ADAMTSL2: variants seen among roughly 807,000 people sequenced by gnomAD.
ADAMTSL2 encodes the protein ADAMTS like 2.
In ADAMTSL2, 55 loss-of-function variants were observed where a neutral mutation model predicts 117.0. The observed-to-expected ratio is 0.47, with a 90% CI of 0.38 to 0.59. ADAMTSL2 has a LOEUF of 0.59. ADAMTSL2 is among the 20% of genes least tolerant of loss of function. The pLI is 0.00. For synonymous variants in ADAMTSL2, 572 were observed against 566.4 expected (o/e 1.01, Z -0.14); for missense variants, 1,182 against 1,354.5 (o/e 0.87, Z 2.00).
intron 11 of ADAMTSL2, among the ~76,000 whole-genome samples, chr9:133,560,813 G>T (rs1254450933): frequency 6.6e-6 from 1 of 152,196 alleles, no homozygotes; most frequent in Non-Finnish European, 1.5e-5. Flanking sequence ...CCCCTCCCCG[G>T]TGGGAAGAAG....
chr9:133,534,717 C>G lies in ADAMTSL2; in HGVS notation c.-351C>G. Reference sequence around the variant, plus strand: ...CGCAGAGCCGCCACTGGGCTGCGCCCCTCCCGGGAACCCCCTCTCTTGGAT... The same window carrying G: ...CGCAGAGCCGCCACTGGGCTGCGCCGCTCCCGGGAACCCCCTCTCTTGGAT... On this transcript the variant is annotated 5_prime_UTR_variant, in exon 1 of 19. Coordinates refer to ENST00000651351, the MANE Select transcript of ADAMTSL2 (RefSeq NM_014694.4). The G allele has an allele frequency of 7.3e-7, 1 of 1,377,950 alleles. No homozygotes were observed. The highest frequency in any genetic ancestry group is 1.7e-5 in the South Asian group (1 of 59,884). The allele number at this position is 1,377,950 out of a possible 1,614,324, so 85.4% of individuals were successfully genotyped here. A position where few individuals can be genotyped will look rare whatever the true frequency, so the allele number is the denominator to read the frequency against.
chr9:133,543,352 A>C (rs1830270219), intron 7 of ADAMTSL2, among the ~76,000 whole-genome samples: 1 of 152,236 alleles, frequency 6.6e-6, no homozygotes, highest in Non-Finnish European at 1.5e-5. Context: ...TCAAGCTTCT[A>C]TCTTGAAACC....
At position 133,570,426 on chromosome 9, in the gene ADAMTSL2, C is replaced by T. The variant is rs1489884338; in HGVS notation, c.2511C>T (p.Cys837=). 1.7e-4 allele frequency: 266 copies of T among 1,603,510 alleles called. No individual in the cohort carries two copies. The highest frequency in any genetic ancestry group is 2.1e-4 in the Non-Finnish European group (242 of 1,175,866). ...CGCAGACGCGCAGTGGCCCCGAGTG[C>T]GGGCTCGCCAAGAAGCCTCCCGAGG... ...GKPQTRSGPE[C]GLAKKPPEES... is the part of the protein sequence containing the mutation. Residue 837 remains cysteine (C), a synonymous_variant, in exon 17 of 19, where the codon TGC becomes TGT. Coordinates refer to ENST00000651351, the MANE Select transcript of ADAMTSL2 (RefSeq NM_014694.4).
Position 133,557,950 on chromosome 9 carries a change from C to G in ADAMTSL2, c.1649+2020C>G, listed in dbSNP as rs113936768. Among the ~76,000 whole-genome samples, 2 of 145,104 alleles carry G rather than the reference C, an allele frequency of 1.4e-5. No individual in the cohort carries two copies. Among genetic ancestry groups the G allele is most frequent in the East Asian group, 3.9e-4 (2 of 5,182 alleles). On this transcript the variant is annotated intron_variant, in intron 11 of 18. Transcript: ENST00000651351. This position sits in a 1 kb window ranked among gnomAD's most constrained non-coding sequence, Gnocchi z 5.2. ...CCTCTGGGCCTCAGTTTCCCCATCT[C>G]TCACTGGGGGGCTTGTCAGGGGCTG...
chr9:133,562,444 C>G lies in ADAMTSL2; in HGVS notation c.1747+1149C>G, dbSNP rs113185880. 6.4e-4 allele frequency among the ~76,000 whole-genome samples: 68 copies of G among 106,776 alleles called. 6 individuals are homozygous for G. The highest frequency in any genetic ancestry group is 1.2e-3 in the African/African-American group (33 of 27,616). 70.0% of individuals were successfully genotyped at this position (106,776 alleles called of 152,430 possible). A position where few individuals can be genotyped will look rare whatever the true frequency, so the allele number is the denominator to read the frequency against. On this transcript the variant is annotated intron_variant, in intron 12 of 18. Transcript: ENST00000651351. ...TGGGCGGCGTGGCGGGCACCCGGCTCGGCCAGGCTCGCACCGCCGTGGGCG... is the reference window on the plus strand; with the variant it reads ...TGGGCGGCGTGGCGGGCACCCGGCTGGGCCAGGCTCGCACCGCCGTGGGCG...
At position 133,554,250 on chromosome 9, in the gene ADAMTSL2, GC is replaced by G; in HGVS notation, c.940-105del. Reference sequence around the variant, plus strand: ...TGTCATTCCCTGAGGGGGCTCAACTGCCAGTCACAGCAGGGAACGCACCCTG... The same window carrying G: ...TGTCATTCCCTGAGGGGGCTCAACTGCAGTCACAGCAGGGAACGCACCCTG... On this transcript the variant is annotated intron_variant, in intron 9 of 18. Transcript: ENST00000651351. This position sits in a 1 kb window ranked among gnomAD's most constrained non-coding sequence, Gnocchi z 5.2. The G allele has an allele frequency of 9.6e-7, 1 of 1,039,628 alleles. No homozygotes were observed. Among genetic ancestry groups the G allele is most frequent in the Non-Finnish European group, 1.4e-6 (1 of 723,918 alleles). The allele number at this position is 1,039,628 out of a possible 1,614,324, so 64.4% of individuals were successfully genotyped here.
intron 12 of ADAMTSL2, among the ~76,000 whole-genome samples, chr9:133,564,615 A>AGAGAGAGG (rs1830908331): frequency 1.6e-5 from 1 of 61,482 alleles, no homozygotes; most frequent in Non-Finnish European, 3.3e-5. Flanking sequence ...AGGGAGAGAG[A>AGAGAGAGG]GAGAGAGAGG....
chr9:133,573,850 A>C lies in ADAMTSL2; in HGVS notation c.2600A>C (p.Lys867Thr). ...CTGTCTCTCCCACACCAGTGCACCA[A>C]GACCTGCGGGGTGGGCGTGAGGATG... ...WYTSPWSECT[K>T]TCGVGVRMRD... The change falls in exon 18 of 19, where the codon AAG becomes ACG. Residue 867 changes from lysine (K) to threonine (T), a missense_variant. Transcript: ENST00000651351. 6.2e-7 allele frequency: 1 copy of C among 1,614,038 alleles called. No homozygotes were observed. The highest frequency in any genetic ancestry group is 1.1e-5 in the South Asian group (1 of 91,084).
upstream of ADAMTSL2, among the ~76,000 whole-genome samples, chr9:133,534,131 C>A (rs1829993056): frequency 6.6e-6 from 1 of 152,240 alleles, no homozygotes; most frequent in African/African-American, 2.4e-5. Flanking sequence ...GCCATCTGGT[C>A]AGCAGGCCAC....
intron 12 of ADAMTSL2, among the ~76,000 whole-genome samples, chr9:133,562,662 C>G (rs1208128310): frequency 7.2e-6 from 1 of 139,662 alleles, no homozygotes; most frequent in Admixed American, 7.0e-5. Context: ...GTGGCGGGCA[C>G]CGGCTTGGCC....
Position 133,539,540 on chromosome 9 carries a change from G to C in ADAMTSL2, c.310-231G>C, listed in dbSNP as rs36138904. Among the ~76,000 whole-genome samples, 2,747 of 141,274 alleles carry C rather than the reference G, an allele frequency of 0.019. 28 individuals carry two copies. Among genetic ancestry groups the C allele is most frequent in the Middle Eastern group, 0.061 (17 of 280 alleles). The allele number at this position is 141,274 out of a possible 152,430, so 92.7% of individuals were successfully genotyped here. On this transcript the variant is annotated intron_variant, in intron 4 of 18. Transcript: ENST00000651351. ...TGGGAGGGTTGTGTCTAGAGTAGGCGGAGGGCTGGCGTGGGGGGCGGAGCT... is the reference window on the plus strand; with the variant it reads ...TGGGAGGGTTGTGTCTAGAGTAGGCCGAGGGCTGGCGTGGGGGGCGGAGCT...
chr9:133,550,648 AG>A (rs1830460561), intron 9 of ADAMTSL2, among the ~76,000 whole-genome samples: 1 of 151,956 alleles, frequency 6.6e-6, no homozygotes, highest in African/African-American at 2.4e-5. Context: ...AGTGGCCTTT[AG>A]AGGTGGTACT....
rs1279996688 is a variant in ADAMTSL2, at chr9:133,568,039, C to T, written c.1875-234C>T. 6.6e-5 allele frequency among the ~76,000 whole-genome samples: 10 copies of T among 152,366 alleles called. 1 individual carries two copies. The East Asian group carries it at 1.5e-3, about 24-fold the overall frequency. ...GGGGCAGGAAGGCCGAGCCCACGCT[C>T]AGGGCACCCGCCAACCACCTTGCTA... is the stretch of plus-strand genomic sequence containing the variant. On this transcript the variant is annotated intron_variant, in intron 13 of 18. Coordinates refer to ENST00000651351, the MANE Select transcript of ADAMTSL2 (RefSeq NM_014694.4).
At chr9:133,568,514 G>C in intron 14 of ADAMTSL2, 28 bp downstream of exon 14, 1 of 1,582,378 alleles carries the variant, frequency 6.3e-7, no homozygotes, top group East Asian at 2.3e-5. Flanking sequence ...CAAGCCGGGG[G>C]TCGGGAAGAG....
rs1037624659 is a variant in ADAMTSL2, at chr9:133,557,095, T to C, written c.1649+1165T>C. On this transcript the variant is annotated intron_variant, in intron 11 of 18. Coordinates refer to ENST00000651351, the MANE Select transcript of ADAMTSL2 (RefSeq NM_014694.4). The surrounding 1 kb of genome is among the most constrained non-coding windows in gnomAD (Gnocchi z 5.2). ...GCTGGGAGTGCTGAGTGGGTCTTCC[T>C]TGGGGCTCAGGGACTGAATTTGATG... Among the ~76,000 whole-genome samples the C allele has an allele frequency of 6.6e-6, 1 of 152,112 alleles. No individual in the cohort carries two copies. Among genetic ancestry groups the C allele is most frequent in the Admixed American group, 6.5e-5 (1 of 15,282 alleles).
At chr9:133,540,803 T>C in intron 6 of ADAMTSL2, 60 bp downstream of exon 6, 2 of 1,613,438 alleles carry the variant, frequency 1.2e-6, no homozygotes, top group Non-Finnish European at 1.7e-6. Context: ...CCCGCCCGCC[T>C]GTGGGAGGCA....
rs1429421968 is a variant in ADAMTSL2 at position 133,557,721 on chromosome 9, A to C, written c.1649+1791A>C. Among the ~76,000 whole-genome samples the C allele has an allele frequency of 6.6e-6, 1 of 152,154 alleles. No homozygotes were observed. The highest frequency in any genetic ancestry group is 1.5e-5 in the Non-Finnish European group (1 of 68,024). ...GAGGCCCACGGTAAGGCCTCCAGTA[A>C]GTAGAAGCTATTAGTAGAAAACTGA... On this transcript the variant is annotated intron_variant, in intron 11 of 18. Coordinates refer to ENST00000651351, the MANE Select transcript of ADAMTSL2 (RefSeq NM_014694.4). This position sits in a 1 kb window ranked among gnomAD's most constrained non-coding sequence, Gnocchi z 5.2.
Position 133,562,794 on chromosome 9 carries a change from A to AC in ADAMTSL2, c.1747+1501dup, listed in dbSNP as rs1422769462. On this transcript the variant is annotated intron_variant, in intron 12 of 18. Coordinates refer to ENST00000651351, the MANE Select transcript of ADAMTSL2 (RefSeq NM_014694.4). ...CACCGCTGTGGGCGGCGTGGTGGGC[A>AC]CCGGCTTGGCCAGGCTCGCACCGCT... Among the ~76,000 whole-genome samples the AC allele has an allele frequency of 8.5e-4, 77 of 90,290 alleles. 1 individual carries two copies. The highest frequency in any genetic ancestry group is 1.6e-3 in the South Asian group (4 of 2,506). The allele number at this position is 90,290 out of a possible 152,430, so 59.2% of individuals were successfully genotyped here.
intron 2 of ADAMTSL2, 52 bp downstream of exon 2, chr9:133,536,854 C>T: frequency 6.2e-7 from 1 of 1,612,766 alleles, no homozygotes. Context: ...TACCCAGGTG[C>T]TGTGATCACT....
Sources: allele counts gnomAD v4.1 joint callset (sites outside exome capture counted in the v4.1 genomes callset), GRCh38; gene constraint gnomAD v4.1.1; non-coding constraint Gnocchi (gnomAD v3.1); transcripts MANE v1.5; gene names NCBI Gene and HGNC (gene_info 2026-07-23, HGNC 2026-07-21).